Variants in TBX20 observed in about 807,000 individuals in gnomAD.
The protein encoded by TBX20 is T-box transcription factor TBX20.
Under a neutral mutation model 42.9 loss-of-function variants are expected in TBX20, and 8 were observed. That is an observed-to-expected ratio of 0.19 (90% CI 0.11 to 0.34). The LOEUF (loss-of-function observed/expected upper bound fraction) is 0.34, where lower values mean the gene tolerates loss of function less well. Among genes scored for constraint, TBX20 ranks in the 10% least tolerant of loss-of-function variants. The pLI is 1.00. For missense variants in TBX20, 411 were observed against 566.0 expected (o/e 0.73, Z 2.78); for synonymous variants, 198 against 222.8 (o/e 0.89, Z 0.99).
Position 35,249,434 on chromosome 7 carries a change from G to A in TBX20, c.380+517C>T, listed in dbSNP as rs1239828308. On this transcript the variant is annotated intron_variant, in intron 2 of 7. Coordinates refer to ENST00000408931, the MANE Select transcript of TBX20 (RefSeq NM_001077653.2). The surrounding 1 kb of genome is among the most constrained non-coding windows in gnomAD (Gnocchi z 4.3). Reference sequence around the variant, plus strand: ...GCCCGCCCGGCTCTGGCGCCAAGAGGCCCCGAGCAGTGCTCCTTCCTACAG... The same window carrying A: ...GCCCGCCCGGCTCTGGCGCCAAGAGACCCCGAGCAGTGCTCCTTCCTACAG... Among the ~76,000 whole-genome samples the A allele has an allele frequency of 6.6e-6, 1 of 152,222 alleles. No individual in the cohort carries two copies. The highest frequency in any genetic ancestry group is 1.5e-5 in the Non-Finnish European group (1 of 68,050).
chr7:35,211,765 A>C (rs1036780453), intron 6 of TBX20, among the ~76,000 whole-genome samples: 5 of 152,002 alleles, frequency 3.3e-5, no homozygotes, highest in Non-Finnish European at 5.9e-5. Flanking sequence ...CTGTCTCCTA[A>C]TTTACTTTGT....
At chr7:35,205,028 A>C (rs1319166337) in intron 6 of TBX20, among the ~76,000 whole-genome samples, 1 of 152,236 alleles carries the variant, frequency 6.6e-6, no homozygotes, top group African/African-American at 2.4e-5. Context: ...ACAACCAATG[A>C]AATGTTGGCA....
chr7:35,227,316 GT>G (rs1277016502), intron 6 of TBX20, among the ~76,000 whole-genome samples: 2 of 152,062 alleles, frequency 1.3e-5, no homozygotes, highest in Non-Finnish European at 2.9e-5. Context: ...AGTGTACAGT[GT>G]TTATAAAGTC....
At chr7:35,208,862 T>A (rs903519142) in intron 6 of TBX20, among the ~76,000 whole-genome samples, 2 of 151,686 alleles carry the variant, frequency 1.3e-5, no homozygotes, top group African/African-American at 4.8e-5. Flanking sequence ...TCATTCTAGG[T>A]TTTTTGTACA....
chr7:35,203,566 C>T (rs1226066517), intron 7 of TBX20, among the ~76,000 whole-genome samples: 1 of 152,138 alleles, frequency 6.6e-6, no homozygotes, highest in African/African-American at 2.4e-5. Flanking sequence ...TATTAGAATA[C>T]AGAATGTAAT....
chr7:35,202,520 C>G lies in TBX20; in HGVS notation c.1254G>C (p.Met418Ile), dbSNP rs775097565. The change falls in exon 8 of 8, where the codon ATG becomes ATC. Residue 418 changes from methionine (M) to isoleucine (I), a missense_variant. This residue lies in a region of TBX20 where 162 missense variants were observed against 205.4 expected (regional missense o/e 0.79). Coordinates refer to ENST00000408931, the MANE Select transcript of TBX20 (RefSeq NM_001077653.2). ...GCTGAAAATAGTGATGGTATCGCGG[C>G]ATGTGGAATGAAGGGAATGTGGGGC... ...GSGPTFPSFH[M>I]PRYHHYFQQG... is the part of the protein sequence containing the mutation. 2 of 1,612,576 alleles carry G rather than the reference C, an allele frequency of 1.2e-6. No individual in the cohort carries two copies.
At chr7:35,221,189 G>A (rs899553456) in intron 6 of TBX20, among the ~76,000 whole-genome samples, 2 of 150,328 alleles carry the variant, frequency 1.3e-5, no homozygotes, top group Admixed American at 1.3e-4. Context: ...AAAATTCTAA[G>A]TCCAAGATTA....
At chr7:35,207,307 T>C (rs1335206362) in intron 6 of TBX20, among the ~76,000 whole-genome samples, 1 of 152,228 alleles carries the variant, frequency 6.6e-6, no homozygotes, top group Non-Finnish European at 1.5e-5. Flanking sequence ...TCCATATTTC[T>C]AGCTGTTAAT....
At chr7:35,225,998 G>A (rs998154726) in intron 6 of TBX20, among the ~76,000 whole-genome samples, 3 of 152,158 alleles carry the variant, frequency 2.0e-5, no homozygotes, top group African/African-American at 7.2e-5. Context: ...ATGTGACAAA[G>A]GGAGAATGAA....
In TBX20 at chr7:35,249,622, C is replaced by CT. The variant is rs562101188; in HGVS notation, c.380+328dup. On this transcript the variant is annotated intron_variant, in intron 2 of 7. Transcript: ENST00000408931. The surrounding 1 kb of genome is among the most constrained non-coding windows in gnomAD (Gnocchi z 4.3). ...GGCACCCAGGCACAAATTCCTCCTCCTTCCAGATCCCGACCCTCCACCCGC... is the reference window on the plus strand; with the variant it reads ...GGCACCCAGGCACAAATTCCTCCTCCTTTCCAGATCCCGACCCTCCACCCGC... 5.3e-4 allele frequency among the ~76,000 whole-genome samples: 81 copies of CT among 152,326 alleles called. 1 individual carries two copies. The East Asian group carries it at 0.012, about 22-fold the overall frequency.
At chr7:35,226,464 T>C (rs1158314527) in intron 6 of TBX20, among the ~76,000 whole-genome samples, 2 of 141,686 alleles carry the variant, frequency 1.4e-5, no homozygotes, top group Admixed American at 1.4e-4. Context: ...AAAATACAAA[T>C]GTTCACCTAC....
intron 7 of TBX20, among the ~76,000 whole-genome samples, chr7:35,203,417 C>A (rs1274348613): frequency 1.3e-5 from 2 of 151,986 alleles, no homozygotes; most frequent in African/African-American, 4.8e-5. Flanking sequence ...GACAGCAAGA[C>A]CAACCCCTCC....
intron 6 of TBX20, among the ~76,000 whole-genome samples, chr7:35,205,637 T>C (rs1464482909): frequency 6.6e-6 from 1 of 152,200 alleles, no homozygotes; most frequent in Non-Finnish European, 1.5e-5. Flanking sequence ...ATATGCAAAC[T>C]TTACCTGTGA....
At chr7:35,253,138 A>C (rs1295123042) in intron 1 of TBX20, among the ~76,000 whole-genome samples, 2 of 152,246 alleles carry the variant, frequency 1.3e-5, no homozygotes, top group Non-Finnish European at 2.9e-5. Flanking sequence ...CAAACGCACA[A>C]GCAGGTGTTA....
intron 4 of TBX20, among the ~76,000 whole-genome samples, chr7:35,241,289 G>A (rs1269153480): frequency 6.6e-6 from 1 of 152,142 alleles, no homozygotes; most frequent in East Asian, 1.9e-4. Flanking sequence ...AAATGGTAAG[G>A]GGAGAGGTCA....
At chr7:35,234,100 A>G (rs1362269073) in intron 5 of TBX20, among the ~76,000 whole-genome samples, 2 of 152,250 alleles carry the variant, frequency 1.3e-5, no homozygotes, top group African/African-American at 4.8e-5. Context: ...AAAATTTTCT[A>G]CAGACAACAG....
In TBX20 at chr7:35,244,945, T is replaced by C. The variant is rs1790151041; in HGVS notation, c.654+4A>G. On this transcript the variant is annotated splice_donor_region_variant and intron_variant, in intron 4 of 7. Transcript: ENST00000408931. Reference sequence around the variant, plus strand: ...ACCTGCACAGTCCAAGGCATGGTACTTACATGGCCATGTTGATCCAGTTCA... The same window carrying C: ...ACCTGCACAGTCCAAGGCATGGTACCTACATGGCCATGTTGATCCAGTTCA... 35 of 1,609,482 alleles carry C rather than the reference T, an allele frequency of 2.2e-5. No homozygotes were observed. Among genetic ancestry groups the C allele is most frequent in the Non-Finnish European group, 2.9e-5 (34 of 1,175,854 alleles).
rs774216898 is a variant in TBX20 at position 35,250,246 on chromosome 7, A to G, written c.128-43T>C. The G allele has an allele frequency of 5.6e-6, 9 of 1,603,376 alleles. No homozygotes were observed. The East Asian group carries it at 9.0e-5, about 16-fold the overall frequency. ...TGTGAATGACAGCTGACACTGTTCA[A>G]CAAGGAAAGATCTGGAAAGAACAGC... On this transcript the variant is annotated intron_variant, in intron 1 of 7. Coordinates refer to ENST00000408931, the MANE Select transcript of TBX20 (RefSeq NM_001077653.2).
chr7:35,249,800 G>T lies in TBX20; in HGVS notation c.380+151C>A. On this transcript the variant is annotated intron_variant, in intron 2 of 7. Transcript: ENST00000408931. The surrounding 1 kb of genome is among the most constrained non-coding windows in gnomAD (Gnocchi z 4.3). Reference sequence around the variant, plus strand: ...GACTAGACATCCTGTAGCTCCTAATGCAAGCTGGTGGAAAGCAGCTGCCCT... The same window carrying T: ...GACTAGACATCCTGTAGCTCCTAATTCAAGCTGGTGGAAAGCAGCTGCCCT... 4.7e-6 allele frequency: 4 copies of T among 856,996 alleles called. No homozygotes were observed. The highest frequency in any genetic ancestry group is 5.3e-6 in the Non-Finnish European group (3 of 563,364). 53.1% of individuals were successfully genotyped at this position (856,996 alleles called of 1,614,324 possible).
Sources: allele counts gnomAD v4.1 joint callset (sites outside exome capture counted in the v4.1 genomes callset), GRCh38; gene constraint gnomAD v4.1.1; regional missense constraint gnomAD v4.1.1; non-coding constraint Gnocchi (gnomAD v3.1); transcripts MANE v1.5; gene names NCBI Gene and HGNC (gene_info 2026-07-23, HGNC 2026-07-21).